Variants in SLC25A10 observed in about 807,000 individuals in gnomAD.
The protein encoded by SLC25A10 is solute carrier family 25 member 10, also known as mitochondrial dicarboxylate carrier.
A neutral mutation model predicts 40.4 loss-of-function variants in SLC25A10; 32 were observed. That is an observed-to-expected ratio of 0.79 (90% CI 0.60 to 1.06). SLC25A10 has a LOEUF of 1.06. Among genes scored for constraint, SLC25A10 ranks in the 50% least tolerant of loss-of-function variants. The probability of loss-of-function intolerance (pLI) is 0.00; values close to 1 mark genes in which losing one functional copy is unlikely to be tolerated. For missense variants in SLC25A10, 394 were observed against 402.6 expected (o/e 0.98, Z 0.18); for synonymous variants, 181 against 171.1 (o/e 1.06, Z -0.45).
chr17:81,719,363 G>A (rs938776816), intron 9 of SLC25A10, among the ~76,000 whole-genome samples: 9 of 152,154 alleles, frequency 5.9e-5, no homozygotes, highest in East Asian at 1.9e-4. Context: ...CACTGTGCCC[G>A]GCCAAAAACA....
At chr17:81,719,155 ACTC>A (rs2144545712) in intron 9 of SLC25A10, among the ~76,000 whole-genome samples, 1 of 148,846 alleles carries the variant, frequency 6.7e-6, no homozygotes, top group South Asian at 2.2e-4. Flanking sequence ...CTGGTCTTGA[ACTC>A]CTGACCTCAG....
intron 1 of SLC25A10, 128 bp downstream of exon 1, chr17:81,712,647 G>A: frequency 1.5e-6 from 1 of 653,156 alleles, no homozygotes; most frequent in East Asian, 3.7e-5. Flanking sequence ...GAGAGCGCGA[G>A]GAGGCCCCCG....
intron 1 of SLC25A10, 143 bp from the exon 2 acceptor site, chr17:81,714,810 G>C (rs2037449011): frequency 8.9e-7 from 1 of 1,129,704 alleles, no homozygotes; most frequent in African/African-American, 1.5e-5. Context: ...GTGTGAGCTG[G>C]TTCCAGGCAC....
At chr17:81,714,891 G>A (rs559343527) in intron 1 of SLC25A10, 62 bp from the exon 2 acceptor site, 2 of 1,584,280 alleles carry the variant, frequency 1.3e-6, no homozygotes, top group African/African-American at 1.3e-5. Context: ...CCCCCTCTCT[G>A]GATGAACCTG....
chr17:81,720,766 C>T lies in SLC25A10; in HGVS notation c.*689C>T, dbSNP rs964154064. 1 of 340,752 alleles carries T rather than the reference C, an allele frequency of 2.9e-6. No individual in the cohort carries two copies. The highest frequency in any genetic ancestry group is 2.1e-5 in the African/African-American group (1 of 47,310). The allele number at this position is 340,752 out of a possible 1,614,324, so 21.1% of individuals were successfully genotyped here. A position where few individuals can be genotyped will look rare whatever the true frequency, so the allele number is the denominator to read the frequency against. On this transcript the variant is annotated 3_prime_UTR_variant, in exon 11 of 11. Coordinates refer to ENST00000350690, the MANE Select transcript of SLC25A10 (RefSeq NM_012140.5). ...TTAGTTTTGCCAAAGCCTCTCCACT[C>T]ACCAGCAGGCGGTCTCTGTCTTCAG...
chr17:81,719,792 G>A (rs2037554932), intron 9 of SLC25A10, 39 bp from the exon 10 acceptor site: 1 of 1,610,498 alleles, frequency 6.2e-7, no homozygotes. Flanking sequence ...TTTTGGGTGA[G>A]AAGCAGCCTT....
intron 1 of SLC25A10, 107 bp from the exon 2 acceptor site, chr17:81,714,846 G>A (rs1179021467): frequency 3.0e-5 from 44 of 1,473,070 alleles, no homozygotes; most frequent in Middle Eastern, 2.4e-4. Context: ...GGGCAGGGCC[G>A]TGGGAGGCCT....
At chr17:81,716,079 G>T in intron 5 of SLC25A10, 29 bp downstream of exon 5, 1 of 1,583,646 alleles carries the variant, frequency 6.3e-7, no homozygotes. Flanking sequence ...TCTCGGGGTG[G>T]TTGAGGTGCA....
Position 81,717,848 on chromosome 17 carries a change from A to AG in SLC25A10, c.697dup (p.Glu233GlyfsTer203). The AG allele has an allele frequency of 6.2e-7, 1 of 1,609,640 alleles. No individual in the cohort carries two copies. The highest frequency in any genetic ancestry group is 8.5e-7 in the Non-Finnish European group (1 of 1,178,598). On this transcript the variant is annotated frameshift_variant, in exon 9 of 11. Transcript: ENST00000350690. LOFTEE classifies it high-confidence loss of function. Reference sequence around the variant, plus strand: ...CTGAAGACTCGCCTGATGAACTCCAAGGGGGAGTATCAGGTGAGTGGGGCC... The same window carrying AG: ...CTGAAGACTCGCCTGATGAACTCCAAGGGGGGAGTATCAGGTGAGTGGGGCC...
chr17:81,713,905 C>G (rs576606791), intron 1 of SLC25A10, among the ~76,000 whole-genome samples: 2 of 152,234 alleles, frequency 1.3e-5, no homozygotes, highest in Non-Finnish European at 2.9e-5. Flanking sequence ...CAGCATATGG[C>G]GCTGTGGTCA....
chr17:81,719,300 T>C (rs914567538), intron 9 of SLC25A10, among the ~76,000 whole-genome samples: 1 of 151,698 alleles, frequency 6.6e-6, no homozygotes, highest in Non-Finnish European at 1.5e-5. Context: ...ACTCCTGGCC[T>C]GAAGTGATCT....
rs530579141 is a variant in SLC25A10 at position 81,716,842 on chromosome 17, C to A, written c.450C>A (p.Arg150=). ...NYAHALDGLY[R]VAREEGLRRL... ...CCCATGCGCTGGATGGCCTGTACCGCGTAGCTCGTGAAGGTGAGGGGCAGG... is the reference window on the plus strand; with the variant it reads ...CCCATGCGCTGGATGGCCTGTACCGAGTAGCTCGTGAAGGTGAGGGGCAGG... The change falls in exon 6 of 11, where the codon CGC becomes CGA. Residue 150 remains arginine (R), a synonymous_variant. Coordinates refer to ENST00000350690, the MANE Select transcript of SLC25A10 (RefSeq NM_012140.5). 1 of 1,611,050 alleles carries A rather than the reference C, an allele frequency of 6.2e-7. No individual in the cohort carries two copies. The highest frequency in any genetic ancestry group is 1.3e-5 in the African/African-American group (1 of 74,892).
Position 81,712,890 on chromosome 17 carries a change from G to A in SLC25A10, c.93+371G>A, listed in dbSNP as rs560609215. On this transcript the variant is annotated intron_variant, in intron 1 of 10. Transcript: ENST00000350690. ...CGCTCCTTCCGCCTAGTTAGAAGTT[G>A]TGGGGGGAGTTCTGTGAGGTGCACA... 2.0e-5 allele frequency among the ~76,000 whole-genome samples: 3 copies of A among 152,380 alleles called. No homozygotes were observed. The South Asian group carries it at 6.2e-4, about 32-fold the overall frequency.
chr17:81,716,955 G>GGCCTCACCACTT (rs1555703512), intron 6 of SLC25A10, 47 bp from the exon 7 acceptor site: 15 of 1,588,382 alleles, frequency 9.4e-6, no homozygotes, highest in Non-Finnish European at 1.3e-5. Context: ...CCAGGTGCCT[G>GGCCTCACCACTT]GCCTCACCCC....
chr17:81,714,089 A>C (rs1286451274), intron 1 of SLC25A10, among the ~76,000 whole-genome samples: 1 of 152,184 alleles, frequency 6.6e-6, no homozygotes. Context: ...GGCTCGCACA[A>C]TGGGAGGCCC....
At chr17:81,719,305 T>C (rs2037546028) in intron 9 of SLC25A10, among the ~76,000 whole-genome samples, 1 of 151,300 alleles carries the variant, frequency 6.6e-6, no homozygotes, top group Non-Finnish European at 1.5e-5. Flanking sequence ...TGGCCTGAAG[T>C]GATCTGCCGC....
intron 1 of SLC25A10, chr17:81,713,612 C>A: frequency 2.3e-6 from 1 of 437,780 alleles, no homozygotes; most frequent in Non-Finnish European, 3.0e-6. Context: ...GATGCAGCCA[C>A]AGCGACAGGA....
chr17:81,712,362 C>G lies in SLC25A10; in HGVS notation c.-65C>G, dbSNP rs1316836401. On this transcript the variant is annotated 5_prime_UTR_variant, in exon 1 of 11. Transcript: ENST00000350690. ...GGCGCGGGGCGCGGGGCGCTGCGGC[C>G]GGTACACGCCGGGGTAGGGCCGGGG... The G allele has an allele frequency of 8.4e-6, 9 of 1,065,622 alleles. No homozygotes were observed. The highest frequency in any genetic ancestry group is 3.3e-5 in the African/African-American group (2 of 60,074). 66.0% of individuals were successfully genotyped at this position (1,065,622 alleles called of 1,614,324 possible).
At position 81,717,142 on chromosome 17, in the gene SLC25A10, T is replaced by C. The variant is rs1568231222; in HGVS notation, c.534+70T>C. 17 of 1,540,146 alleles carry C rather than the reference T, an allele frequency of 1.1e-5. No homozygotes were observed. In the South Asian group the frequency reaches 1.6e-4, roughly 14 times the overall value. ...CTGACCTCCATCTTCAGAGGGGCCATAGAACAAGGCACTGGGCGCCAAAAC... is the reference window on the plus strand; with the variant it reads ...CTGACCTCCATCTTCAGAGGGGCCACAGAACAAGGCACTGGGCGCCAAAAC... On this transcript the variant is annotated intron_variant, in intron 7 of 10. Coordinates refer to ENST00000350690, the MANE Select transcript of SLC25A10 (RefSeq NM_012140.5).
Sources: gnomAD v4.1 joint callset for allele counts (sites outside exome capture counted in the v4.1 genomes callset) on GRCh38, gnomAD v4.1.1 for gene constraint, MANE v1.5 for transcripts, NCBI Gene and HGNC (gene_info 2026-07-23, HGNC 2026-07-21) for gene names.